Variants in ARHGAP35 observed in about 807,000 individuals in gnomAD.
ARHGAP35 encodes rho GTPase-activating protein 35.
Under a neutral mutation model 111.1 loss-of-function variants are expected in ARHGAP35, and 15 were observed. The ratio of observed to expected loss-of-function variants is 0.13; its 90% confidence interval spans 0.09 to 0.21. The LOEUF (loss-of-function observed/expected upper bound fraction) is 0.21. Ranked by LOEUF, ARHGAP35 falls within the 10% of genes least tolerant of loss-of-function variation. The probability of loss-of-function intolerance (pLI) is 1.00; values close to 1 mark genes in which losing one functional copy is unlikely to be tolerated. For missense variants in ARHGAP35, 1,262 were observed against 1,873.0 expected (o/e 0.67, Z 6.02); for synonymous variants, 643 against 710.3 (o/e 0.91, Z 1.51).
intron 2 of ARHGAP35, among the ~76,000 whole-genome samples, chr19:46,935,220 G>A (rs563613225): frequency 1.7e-4 from 26 of 152,134 alleles, no homozygotes; most frequent in Non-Finnish European, 3.5e-4. Flanking sequence ...ACAGTGAGTG[G>A]GGACAGGCTT....
intron 1 of ARHGAP35, among the ~76,000 whole-genome samples, chr19:46,910,709 C>T (rs926936223): frequency 7.2e-5 from 11 of 152,280 alleles, no homozygotes; most frequent in Admixed American, 6.5e-4. Context: ...CCCACTTCAG[C>T]CTCCCCGGTA....
chr19:46,898,546 T>C (rs1209102401), intron 1 of ARHGAP35, among the ~76,000 whole-genome samples: 1 of 152,220 alleles, frequency 6.6e-6, no homozygotes, highest in Non-Finnish European at 1.5e-5. Context: ...CCATCTTAGT[T>C]AATATTGCTG....
chr19:46,957,699 A>G (rs1027652017), intron 3 of ARHGAP35, among the ~76,000 whole-genome samples: 5 of 152,240 alleles, frequency 3.3e-5, no homozygotes, highest in African/African-American at 9.6e-5. Flanking sequence ...GAGATTGGGC[A>G]CAGTAACTAT....
intron 1 of ARHGAP35, among the ~76,000 whole-genome samples, chr19:46,866,829 TG>T (rs925825181): frequency 1.3e-5 from 2 of 152,186 alleles, no homozygotes; most frequent in African/African-American, 4.8e-5. Context: ...TTTAGGGGGA[TG>T]GGGTTATCCA....
rs1294431986 is a variant in ARHGAP35, at chr19:46,920,858, T to A, written c.2183T>A (p.Leu728His). ...CAAGGTCAACAAATTGCTAGCAAAC[T>A]TCAGTGTGTCTTTCTCGACCCTGCT... Reference protein sequence around the residue: ...IQQGQQIASKLQCVFLDPASA... With the variant: ...IQQGQQIASKHQCVFLDPASA... Residue 728 changes from leucine (L) to histidine (H), a missense_variant, in exon 2 of 7, where the codon CTT becomes CAT. Physicochemically the swap from Leu to His is moderately conservative, Grantham distance 99. This residue lies in a region of ARHGAP35 where 579 missense variants were observed against 716.9 expected (regional missense o/e 0.81). Coordinates refer to ENST00000672722, the MANE Select transcript of ARHGAP35 (RefSeq NM_004491.5). This position sits in a 1 kb window ranked among gnomAD's most constrained non-coding sequence, Gnocchi z 7.0. 1 of 1,613,742 alleles carries A rather than the reference T, an allele frequency of 6.2e-7. No homozygotes were observed. Among genetic ancestry groups the A allele is most frequent in the African/African-American group, 1.3e-5 (1 of 74,926 alleles).
At chr19:46,959,943 T>A (rs7249088) in intron 3 of ARHGAP35, among the ~76,000 whole-genome samples, 35,293 of 142,392 alleles carry the variant, frequency 0.25, 4,831 homozygotes, top group African/African-American at 0.41. Context: ...ACAAAAAAAA[T>A]TTTTTTTTTT....
rs988547565 is a variant in ARHGAP35 at position 46,992,792 on chromosome 19, G to C, written c.4036+3117G>C. Among the ~76,000 whole-genome samples, 4 of 152,216 alleles carry C rather than the reference G, an allele frequency of 2.6e-5. No homozygotes were observed. The highest frequency in any genetic ancestry group is 5.9e-5 in the Non-Finnish European group (4 of 68,038). On this transcript the variant is annotated intron_variant, in intron 5 of 6. Coordinates refer to ENST00000672722, the MANE Select transcript of ARHGAP35 (RefSeq NM_004491.5). This position sits in a 1 kb window ranked among gnomAD's most constrained non-coding sequence, Gnocchi z 4.4. ...TGAAGGGGATGTGTGACCCGAACATGGTTCAGGATGCCAGCTCATTGTCTC... is the reference window on the plus strand; with the variant it reads ...TGAAGGGGATGTGTGACCCGAACATCGTTCAGGATGCCAGCTCATTGTCTC...
chr19:46,884,110 G>T (rs73566018), intron 1 of ARHGAP35, among the ~76,000 whole-genome samples: 391 of 152,190 alleles, frequency 2.6e-3, no homozygotes, highest in African/African-American at 9.2e-3. Flanking sequence ...GTCAAGGAGA[G>T]AATTTAAAAA....
intron 3 of ARHGAP35, among the ~76,000 whole-genome samples, chr19:46,943,434 A>AG (rs1453603350): frequency 6.6e-6 from 1 of 151,858 alleles, no homozygotes; most frequent in Non-Finnish European, 1.5e-5. Flanking sequence ...GTATTGAATA[A>AG]TTGAACGAAT....
chr19:46,920,813 C>T lies in ARHGAP35; in HGVS notation c.2138C>T (p.Thr713Ile), dbSNP rs779916715. ...AAGAGAGGAGACACCAGTGGAGAGACTCTGCATAGCTTAATACAGCAAGGT... is the reference window on the plus strand; with the variant it reads ...AAGAGAGGAGACACCAGTGGAGAGATTCTGCATAGCTTAATACAGCAAGGT... ...VNKRGDTSGE[T>I]LHSLIQQGQQ... The change falls in exon 2 of 7, where the codon ACT becomes ATT. Residue 713 changes from threonine to isoleucine, a missense_variant. Thr to Ile is a moderately conservative substitution (Grantham distance 89, BLOSUM62 -1). This residue lies in a region of ARHGAP35 where 579 missense variants were observed against 716.9 expected (regional missense o/e 0.81). Transcript: ENST00000672722. The surrounding 1 kb of genome is among the most constrained non-coding windows in gnomAD (Gnocchi z 7.0). The T allele has an allele frequency of 6.2e-7, 1 of 1,611,904 alleles. No individual in the cohort carries two copies.
chr19:46,863,351 T>C (rs2055839138), intron 1 of ARHGAP35, among the ~76,000 whole-genome samples: 1 of 152,212 alleles, frequency 6.6e-6, no homozygotes, highest in Non-Finnish European at 1.5e-5. Flanking sequence ...TGGTTGATTG[T>C]TACTACTCTC....
chr19:46,959,631 C>T (rs913288961), intron 3 of ARHGAP35, among the ~76,000 whole-genome samples: 1 of 151,360 alleles, frequency 6.6e-6, no homozygotes, highest in African/African-American at 2.4e-5. Flanking sequence ...AACTCCTGAC[C>T]TCGGGTGATC....
chr19:46,866,703 G>A (rs1056564229), intron 1 of ARHGAP35, among the ~76,000 whole-genome samples: 1 of 152,240 alleles, frequency 6.6e-6, no homozygotes, highest in South Asian at 2.1e-4. Flanking sequence ...TGTGTAGGGG[G>A]CTCTTTCCCT....
intron 2 of ARHGAP35, among the ~76,000 whole-genome samples, chr19:46,933,267 T>G (rs1212712390): frequency 6.7e-6 from 1 of 150,320 alleles, no homozygotes; most frequent in Non-Finnish European, 1.5e-5. Context: ...CTGCAGCCTC[T>G]CGAGTTGCTG....
intron 5 of ARHGAP35, among the ~76,000 whole-genome samples, chr19:46,991,215 G>C (rs1568489361): frequency 6.6e-6 from 1 of 152,218 alleles, no homozygotes; most frequent in South Asian, 2.1e-4. Flanking sequence ...TCTGGAGCCA[G>C]CTTTCTTTCC....
chr19:46,905,500 C>T (rs1288927183), intron 1 of ARHGAP35, among the ~76,000 whole-genome samples: 3 of 150,842 alleles, frequency 2.0e-5, no homozygotes, highest in Non-Finnish European at 4.4e-5. Flanking sequence ...CTCAGCCTCC[C>T]GAGTAGTTGG....
intron 1 of ARHGAP35, among the ~76,000 whole-genome samples, chr19:46,904,756 C>G (rs1315767277): frequency 6.6e-6 from 1 of 152,140 alleles, no homozygotes; most frequent in Non-Finnish European, 1.5e-5. Context: ...TCAGATTGCT[C>G]TCGGAATTCC....
chr19:46,909,385 C>T (rs926905483), intron 1 of ARHGAP35, among the ~76,000 whole-genome samples: 3 of 152,130 alleles, frequency 2.0e-5, no homozygotes, highest in Admixed American at 1.3e-4. Flanking sequence ...TCTACTGATC[C>T]CTTTGTGGTT....
intron 3 of ARHGAP35, among the ~76,000 whole-genome samples, chr19:46,972,117 C>A (rs11670036): frequency 8.1e-4 from 124 of 152,206 alleles, no homozygotes; most frequent in Admixed American, 1.4e-3. Flanking sequence ...TCAAGCGATC[C>A]CCCACCTCAG....
Sources: allele counts gnomAD v4.1 joint callset (sites outside exome capture counted in the v4.1 genomes callset), GRCh38; gene constraint gnomAD v4.1.1; regional missense constraint gnomAD v4.1.1; non-coding constraint Gnocchi (gnomAD v3.1); transcripts MANE v1.5; gene names NCBI Gene and HGNC (gene_info 2026-07-23, HGNC 2026-07-21).